The following RPS3A variants were observed in gnomAD, a reference collection of about 807,000 sequenced individuals.
RPS3A encodes ribosomal protein S3A.
Under a neutral mutation model 26.4 loss-of-function variants are expected in RPS3A, and 1 was observed. The observed-to-expected ratio is 0.04, with a 90% CI of 0.01 to 0.18. The LOEUF is 0.18. RPS3A is among the 10% of genes least tolerant of loss of function. The pLI, the probability that RPS3A is intolerant of heterozygous loss-of-function variation, is 1.00. For synonymous variants in RPS3A, 97 were observed against 106.1 expected (o/e 0.91, Z 0.53); for missense variants, 139 against 326.8 (o/e 0.43, Z 4.43).
intron 4 of RPS3A, 34 bp from the exon 5 acceptor site, chr4:151,104,143 T>A: frequency 6.3e-7 from 1 of 1,587,558 alleles, no homozygotes; most frequent in Non-Finnish European, 8.5e-7. Context: ...GAACTAGGAC[T>A]TTTAGAAAAA....
intron 4 of RPS3A, chr4:151,103,904 A>T: frequency 6.8e-7 from 1 of 1,474,304 alleles, no homozygotes; most frequent in South Asian, 1.1e-5. Context: ...CATGCAATAT[A>T]CAGTTAGCTA....
chr4:151,099,724 G>T lies in RPS3A; in HGVS notation c.62+10G>T. 6.2e-7 allele frequency: 1 copy of T among 1,610,054 alleles called. No homozygotes were observed. Among genetic ancestry groups the T allele is most frequent in the South Asian group, 1.1e-5 (1 of 90,334 alleles). On this transcript the variant is annotated intron_variant, in intron 1 of 5. Transcript: ENST00000274065. ...GAGCCAAGAAGAAAGTGTAAGTCGC[G>T]ACTGTCGTGGCGTCTTGCTTTTTGG...
Position 151,104,452 on chromosome 4 carries a change from T to TG in RPS3A, c.674-20_674-19insG, listed in dbSNP as rs1554025689. The stretch of plus-strand genomic sequence containing the variant: ...AACAGTTTTTTGGTTTTTTTTTTTT[T>TG]TTTTTTTTTTGCCTTTTAGTGGGAA... On this transcript the variant is annotated intron_variant, in intron 5 of 5. Transcript: ENST00000274065. 2 of 1,405,390 alleles carry TG rather than the reference T, an allele frequency of 1.4e-6. No individual in the cohort carries two copies. The highest frequency in any genetic ancestry group is 3.0e-5 in the African/African-American group (2 of 66,792). The allele number at this position is 1,405,390 out of a possible 1,614,324, so 87.1% of individuals were successfully genotyped here. A position where few individuals can be genotyped will look rare whatever the true frequency, so the allele number is the denominator to read the frequency against.
Position 151,103,055 on chromosome 4 carries a change from A to G in RPS3A, c.539A>G (p.Asp180Gly). 1 of 1,599,310 alleles carries G rather than the reference A, an allele frequency of 6.3e-7. No homozygotes were observed. Among genetic ancestry groups the G allele is most frequent in the Non-Finnish European group, 8.5e-7 (1 of 1,179,482 alleles). The change falls in exon 4 of 6, where the codon GAC becomes GGC. Residue 180 changes from aspartate (D) to glycine (G), a missense_variant. By Grantham distance (94) the Asp-to-Gly change is moderately conservative (BLOSUM62 -1). Around this residue, in one of 3 missense-constraint regions of RPS3A, gnomAD observed 96 missense variants for 209.8 expected, o/e 0.46. Coordinates refer to ENST00000274065, the MANE Select transcript of RPS3A (RefSeq NM_001006.5). ...EIMTREVQTN[D>G]LKEVVNKLIP... The stretch of plus-strand genomic sequence containing the variant: ...ATGACCCGAGAGGTGCAGACAAATG[A>G]CTTGAAAGAAGTGGTCAATAAATTG...
At chr4:151,100,618 C>T (rs781141412) in intron 2 of RPS3A, 30 bp downstream of exon 2, 9 of 1,326,662 alleles carry the variant, frequency 6.8e-6, no homozygotes, top group South Asian at 3.6e-5. Context: ...TTTGTATTTT[C>T]CTTAAGTTGG....
chr4:151,103,272 CAG>C (rs969621219), intron 4 of RPS3A, 193 bp downstream of exon 4: 8 of 1,128,582 alleles, frequency 7.1e-6, no homozygotes, highest in African/African-American at 3.1e-5. Context: ...TTATTTGAGT[CAG>C]AGTCTTGCTC....
At chr4:151,104,439 G>GGTTTTT in intron 5 of RPS3A, 33 bp from the exon 6 acceptor site, 1 of 710,330 alleles carries the variant, frequency 1.4e-6, no homozygotes, top group South Asian at 2.3e-5. Flanking sequence ...CAGTTTTTTG[G>GGTTTTT]TTTTTTTTTT....
intron 4 of RPS3A, chr4:151,103,319 CCTT>C (rs1362858157): frequency 1.4e-6 from 1 of 730,212 alleles, no homozygotes; most frequent in Non-Finnish European, 1.9e-6. Flanking sequence ...TTGTGATCCT[CCTT>C]GGCTCACTGT....
chr4:151,104,440 T>TTTTG, intron 5 of RPS3A, 32 bp from the exon 6 acceptor site: 1 of 835,380 alleles, frequency 1.2e-6, no homozygotes, highest in Admixed American at 1.1e-4. Context: ...AGTTTTTTGG[T>TTTTG]TTTTTTTTTT....
At chr4:151,100,110 C>G in intron 1 of RPS3A, 1 of 517,916 alleles carries the variant, frequency 1.9e-6, no homozygotes, top group Non-Finnish European at 3.7e-6. Flanking sequence ...TCTGCGAGCT[C>G]CTGCTAAGCT....
At position 151,102,955 on chromosome 4, in the gene RPS3A, A is replaced by C; in HGVS notation, c.439A>C (p.Asn147His). The change falls in exon 4 of 6, where the codon AAC becomes CAC. Residue 147 changes from asparagine (N) to histidine (H), a missense_variant. Asn to His is a moderately conservative substitution (Grantham distance 68). Coordinates refer to ENST00000274065, the MANE Select transcript of RPS3A (RefSeq NM_001006.5). ...CTGTGTTGGTTTTACTAAAAAACGC[A>C]ACAATCAGATACGGAAGACCTCTTA... The part of the protein sequence containing the change: ...LFCVGFTKKR[N>H]NQIRKTSYAQ... 1.9e-6 allele frequency: 3 copies of C among 1,610,512 alleles called. No homozygotes were observed. Among genetic ancestry groups the C allele is most frequent in the Non-Finnish European group, 2.5e-6 (3 of 1,179,492 alleles).
chr4:151,103,124 G>C (rs1747202917), intron 4 of RPS3A, 45 bp downstream of exon 4: 14 of 1,568,916 alleles, frequency 8.9e-6, no homozygotes, highest in Non-Finnish European at 1.2e-5. Flanking sequence ...CTTGAGTATT[G>C]GATTATTCCT....
At chr4:151,101,296 A>G in intron 3 of RPS3A, 134 bp downstream of exon 3, 1 of 547,292 alleles carries the variant, frequency 1.8e-6, no homozygotes, top group Non-Finnish European at 3.0e-6. Flanking sequence ...AGTTCATTTT[A>G]AATTTTTGTT....
At chr4:151,104,438 GGT>G in intron 5 of RPS3A, 32 bp from the exon 6 acceptor site, 6 of 370,326 alleles carry the variant, frequency 1.6e-5, no homozygotes, top group Admixed American at 2.2e-4. Flanking sequence ...ACAGTTTTTT[GGT>G]TTTTTTTTTT....
At chr4:151,102,051 T>C (rs1210698605) in intron 3 of RPS3A, 1 of 518,350 alleles carries the variant, frequency 1.9e-6, no homozygotes, top group Non-Finnish European at 3.8e-6. Context: ...ATATTTTGTA[T>C]GTGGGAATGA....
Position 151,104,631 on chromosome 4 carries a change from T to G in RPS3A, c.*38T>G, listed in dbSNP as rs747719931. 7 of 1,561,760 alleles carry G rather than the reference T, an allele frequency of 4.5e-6. No individual in the cohort carries two copies. In the African/African-American group the frequency reaches 9.7e-5, roughly 22 times the overall value. On this transcript the variant is annotated 3_prime_UTR_variant, in exon 6 of 6. Transcript: ENST00000274065. The stretch of plus-strand genomic sequence containing the variant: ...AAATAGTGGCAAATAAAAAGTGCTA[T>G]TTGTGATGGTTTGCTTCTGAACATT...
At chr4:151,103,296 C>G in intron 4 of RPS3A, 1 of 935,480 alleles carries the variant, frequency 1.1e-6, no homozygotes, top group Admixed American at 3.6e-5. Flanking sequence ...GTTGCCCAGG[C>G]TCGAGTGCAG....
chr4:151,102,844 A>G, intron 3 of RPS3A, 27 bp from the exon 4 acceptor site: 1 of 1,600,980 alleles, frequency 6.2e-7, no homozygotes, highest in East Asian at 2.2e-5. Context: ...AAAACCTGTT[A>G]AATCTGACGG....
At position 151,100,969 on chromosome 4, in the gene RPS3A, T is replaced by C. The variant is rs573414866; in HGVS notation, c.167-6T>C. On this transcript the variant is annotated splice_polypyrimidine_tract_variant and splice_region_variant and intron_variant, in intron 2 of 5. Transcript: ENST00000274065. ...ATGTTAAGATACTTGTTTTTTTCTT[T>C]TGTAGAAATTGCATCTGATGGTCTC... 1.3e-5 allele frequency: 20 copies of C among 1,565,078 alleles called. No homozygotes were observed. In the Admixed American group the frequency reaches 1.9e-4, roughly 15 times the overall value.
Sources: gnomAD v4.1 joint callset for allele counts on GRCh38, gnomAD v4.1.1 for gene constraint, gnomAD v4.1.1 regional missense constraint, MANE v1.5 for transcripts, NCBI Gene and HGNC (gene_info 2026-07-23, HGNC 2026-07-21) for gene names.